LRRC7: variants seen among roughly 807,000 people sequenced by gnomAD.
LRRC7 encodes leucine-rich repeat-containing protein 7.
Under a neutral mutation model 175.7 loss-of-function variants are expected in LRRC7, and 23 were observed. The ratio of observed to expected loss-of-function variants is 0.13; its 90% CI spans 0.09 to 0.19. The LOEUF is 0.19. Among genes scored for constraint, LRRC7 ranks in the 10% least tolerant of loss-of-function variants. The pLI, the probability that LRRC7 is intolerant of heterozygous loss-of-function variation, is 1.00. For synonymous variants in LRRC7, 685 were observed against 680.9 expected, an observed-to-expected ratio of 1.01 and a Z score of -0.09; for missense variants, 1,354 against 1,904.7, an observed-to-expected ratio of 0.71 and a Z score of 5.38.
intron 18 of LRRC7, among the ~76,000 whole-genome samples, chr1:70,032,964 CCT>C (rs1658917323): frequency 6.6e-6 from 1 of 152,200 alleles, no homozygotes; most frequent in Non-Finnish European, 1.5e-5. Context: ...CCAAAAATTT[CCT>C]CTGTCATTGC....
At chr1:69,669,990 C>T (rs1309390828) in intron 1 of LRRC7, among the ~76,000 whole-genome samples, 1 of 151,906 alleles carries the variant, frequency 6.6e-6, no homozygotes, top group Admixed American at 6.6e-5. Flanking sequence ...CACTGTGTTA[C>T]CTTGAATTTC....
chr1:69,942,271 A>T (rs75321255), intron 8 of LRRC7, among the ~76,000 whole-genome samples: 2,646 of 152,210 alleles, frequency 0.017, 58 homozygotes, highest in African/African-American at 0.059. Context: ...AACTTCCTTT[A>T]AGCAAGCTCT....
intron 6 of LRRC7, among the ~76,000 whole-genome samples, chr1:69,835,460 A>T (rs992904839): frequency 6.6e-6 from 1 of 152,000 alleles, no homozygotes. Context: ...ACATAAAAAA[A>T]GTCTGTCTTC....
At chr1:69,789,323 C>G (rs1006859262) in intron 3 of LRRC7, among the ~76,000 whole-genome samples, 2 of 151,920 alleles carry the variant, frequency 1.3e-5, no homozygotes, top group African/African-American at 2.4e-5. Context: ...ACAGGATAAC[C>G]ATGCCTTTAA....
chr1:69,786,087 T>C (rs1273382256), intron 3 of LRRC7, among the ~76,000 whole-genome samples: 2 of 152,048 alleles, frequency 1.3e-5, no homozygotes, highest in Non-Finnish European at 2.9e-5. Context: ...TATTTAGTGA[T>C]TTTTTTAAAT....
intron 2 of LRRC7, among the ~76,000 whole-genome samples, chr1:69,753,651 G>A (rs192688275): frequency 1.3e-3 from 202 of 152,076 alleles, no homozygotes; most frequent in African/African-American, 3.4e-3. Context: ...TTTTACACCC[G>A]TATTCATTTG....
intron 6 of LRRC7, among the ~76,000 whole-genome samples, chr1:69,837,243 A>G (rs1332919441): frequency 6.6e-6 from 1 of 151,982 alleles, no homozygotes; most frequent in Non-Finnish European, 1.5e-5. Context: ...TACATGCATA[A>G]CATTTTCATA....
chr1:70,116,410 G>C (rs1274519556), intron 26 of LRRC7, among the ~76,000 whole-genome samples: 1 of 152,140 alleles, frequency 6.6e-6, no homozygotes, highest in Non-Finnish European at 1.5e-5. Context: ...AGCCAGGCGT[G>C]GTGGCAGGCG....
rs747044076 is a variant in LRRC7 at position 69,981,129 on chromosome 1, CAA to C, written c.786+677_786+678del. ...GCCACTTGCATACACACACACACAC[CAA>C]GAGAGAGAGACAGCGAGAGAGCGCA... On this transcript the variant is annotated intron_variant, in intron 9 of 26. Coordinates refer to ENST00000651989, the MANE Select transcript of LRRC7 (RefSeq NM_001370785.2). 6.9e-4 allele frequency among the ~76,000 whole-genome samples: 105 copies of C among 151,534 alleles called. 1 individual carries two copies. Among genetic ancestry groups the C allele is most frequent in the Non-Finnish European group, 1.0e-3 (69 of 67,786 alleles).
intron 1 of LRRC7, among the ~76,000 whole-genome samples, chr1:69,586,637 T>C (rs1485739927): frequency 1.4e-5 from 2 of 139,976 alleles, no homozygotes; most frequent in Non-Finnish European, 3.0e-5. Flanking sequence ...TGATAACTGT[T>C]ATTTATTATT....
At position 69,954,009 on chromosome 1, in the gene LRRC7, G is replaced by A. The variant is rs576844183; in HGVS notation, c.711+22439G>A. On this transcript the variant is annotated intron_variant, in intron 8 of 26. Transcript: ENST00000651989. ...CTCTTAAACTATAAGCATCTTAAAG[G>A]AAGGACATGTGTTTCTACCAGGTAC... Among the ~76,000 whole-genome samples the A allele has an allele frequency of 2.6e-5, 4 of 152,098 alleles. No individual in the cohort carries two copies. The South Asian group carries it at 8.3e-4, about 32-fold the overall frequency.
At chr1:69,995,736 T>C (rs565975980) in intron 11 of LRRC7, among the ~76,000 whole-genome samples, 2 of 152,308 alleles carry the variant, frequency 1.3e-5, no homozygotes, top group African/African-American at 2.4e-5. Context: ...CGTGAACTCA[T>C]CATTTTTTAT....
intron 12 of LRRC7, among the ~76,000 whole-genome samples, chr1:70,012,400 G>C (rs543804536): frequency 6.6e-6 from 1 of 151,462 alleles, no homozygotes; most frequent in Non-Finnish European, 1.5e-5. Context: ...TATCAAAAAA[G>C]TATAAAGTAC....
intron 8 of LRRC7, among the ~76,000 whole-genome samples, chr1:69,963,076 T>C (rs12035396): frequency 0.062 from 9,358 of 151,510 alleles, 282 homozygotes; most frequent in South Asian, 0.11. Flanking sequence ...AGGCTGAAGG[T>C]GGGCGGATCA....
intron 3 of LRRC7, among the ~76,000 whole-genome samples, chr1:69,780,128 A>G (rs1673317792): frequency 6.6e-6 from 1 of 152,218 alleles, no homozygotes. Context: ...ATGTTTCTCA[A>G]AAACAAAAAT....
chr1:69,955,898 A>G (rs1354818506), intron 8 of LRRC7, among the ~76,000 whole-genome samples: 1 of 151,992 alleles, frequency 6.6e-6, no homozygotes, highest in African/African-American at 2.4e-5. Context: ...TCAACACAGT[A>G]TCATAAAAAT....
intron 1 of LRRC7, among the ~76,000 whole-genome samples, chr1:69,601,782 C>G (rs1242561423): frequency 6.6e-6 from 1 of 151,932 alleles, no homozygotes; most frequent in African/African-American, 2.4e-5. Context: ...TGCTTATTAA[C>G]AAGGATAAAG....
intron 4 of LRRC7, among the ~76,000 whole-genome samples, chr1:69,812,582 A>G (rs1678028360): frequency 6.6e-6 from 1 of 152,146 alleles, no homozygotes. Context: ...CAATTAAAAT[A>G]TCAGATGTAG....
At chr1:69,736,749 C>T (rs1056818544) in intron 2 of LRRC7, among the ~76,000 whole-genome samples, 1 of 152,058 alleles carries the variant, frequency 6.6e-6, no homozygotes, top group African/African-American at 2.4e-5. Flanking sequence ...GACCAGGCTG[C>T]GGGTTCTTTC....
Sources: gnomAD v4.1 joint callset for allele counts (sites outside exome capture counted in the v4.1 genomes callset) on GRCh38, gnomAD v4.1.1 for gene constraint, MANE v1.5 for transcripts, NCBI Gene and HGNC (gene_info 2026-07-23, HGNC 2026-07-21) for gene names.